METTL15: variants seen among roughly 807,000 people sequenced by gnomAD.
The protein encoded by METTL15 is 12S rRNA N(4)-cytidine methyltransferase METTL15.
A neutral mutation model predicts 38.3 loss-of-function variants in METTL15; 34 were observed. The observed-to-expected ratio is 0.89, with a 90% CI of 0.68 to 1.18. The LOEUF (loss-of-function observed/expected upper bound fraction) is 1.18, where lower values mean the gene tolerates loss of function less well. Among genes scored for constraint, METTL15 ranks in the 50% most tolerant of loss-of-function variants. The probability of loss-of-function intolerance (pLI) is 0.00; values close to 1 mark genes in which losing one functional copy is unlikely to be tolerated. For synonymous variants in METTL15, 162 were observed against 170.9 expected (o/e 0.95, Z 0.41); for missense variants, 438 against 498.4 (o/e 0.88, Z 1.15).
chr11:28,304,641 G>A (rs1029310769), intron 6 of METTL15, among the ~76,000 whole-genome samples: 11 of 152,012 alleles, frequency 7.2e-5, no homozygotes, highest in African/African-American at 2.4e-4. Context: ...ACTTGAACCC[G>A]GGAGCTGGAG....
chr11:28,345,693 T>A (rs2133357523), intron 3 of METTL15, among the ~76,000 whole-genome samples: 1 of 152,286 alleles, frequency 6.6e-6, no homozygotes, highest in East Asian at 1.9e-4. Flanking sequence ...CCAGTGGATT[T>A]GGTGCGCCAA....
intron 4 of METTL15, among the ~76,000 whole-genome samples, chr11:28,259,428 G>A (rs569240407): frequency 6.6e-6 from 1 of 152,240 alleles, no homozygotes; most frequent in South Asian, 2.1e-4. Flanking sequence ...GTGATTCTGG[G>A]CCCAGTTCAA....
intron 4 of METTL15, among the ~76,000 whole-genome samples, chr11:28,226,543 T>G (rs1853485338): frequency 6.6e-6 from 1 of 151,970 alleles, no homozygotes; most frequent in Non-Finnish European, 1.5e-5. Context: ...GTTTATCATT[T>G]TCCTTCTCTT....
At chr11:28,238,341 C>A (rs922021037) in intron 4 of METTL15, among the ~76,000 whole-genome samples, 4 of 152,196 alleles carry the variant, frequency 2.6e-5, no homozygotes, top group Non-Finnish European at 5.9e-5. Context: ...TGGCTGCCGC[C>A]TTGCAGTTTG....
At chr11:28,374,931 T>G in intron 5 of METTL15, among the ~76,000 whole-genome samples, 1 of 151,972 alleles carries the variant, frequency 6.6e-6, no homozygotes, top group East Asian at 1.9e-4. Flanking sequence ...AATCATGTGG[T>G]TTTTGTCATT....
intron 5 of METTL15, among the ~76,000 whole-genome samples, chr11:28,405,006 A>G (rs576274909): frequency 4.6e-5 from 7 of 152,286 alleles, no homozygotes; most frequent in Admixed American, 3.9e-4. Context: ...AATGATACCA[A>G]ATAAGAATGA....
At chr11:28,367,513 C>T (rs186870272) in intron 5 of METTL15, among the ~76,000 whole-genome samples, 16 of 151,974 alleles carry the variant, frequency 1.1e-4, no homozygotes, top group African/African-American at 3.9e-4. Flanking sequence ...GAAAAACATT[C>T]CATGCTCATG....
At chr11:28,355,388 T>C (rs1031462139) in intron 4 of METTL15, among the ~76,000 whole-genome samples, 2 of 152,234 alleles carry the variant, frequency 1.3e-5, no homozygotes, top group African/African-American at 4.8e-5. Context: ...TGTAGGTTAA[T>C]AGTAGTTCTG....
chr11:28,358,955 A>G (rs1475638932), intron 4 of METTL15, among the ~76,000 whole-genome samples: 1 of 152,206 alleles, frequency 6.6e-6, no homozygotes, highest in Non-Finnish European at 1.5e-5. Flanking sequence ...TTTTAGATTC[A>G]GAGGGTACAT....
At chr11:28,226,653 C>T (rs937379373) in intron 4 of METTL15, among the ~76,000 whole-genome samples, 1 of 151,816 alleles carries the variant, frequency 6.6e-6, no homozygotes, top group Non-Finnish European at 1.5e-5. Context: ...TGCTTGTATT[C>T]CTTCTACACC....
intron 6 of METTL15, among the ~76,000 whole-genome samples, chr11:28,315,513 A>G (rs1179214075): frequency 6.6e-6 from 1 of 152,222 alleles, no homozygotes; most frequent in Non-Finnish European, 1.5e-5. Context: ...AGTTTGGATA[A>G]TTTGCAGCCT....
At chr11:28,231,266 T>C (rs1420208898) in intron 4 of METTL15, among the ~76,000 whole-genome samples, 1 of 151,872 alleles carries the variant, frequency 6.6e-6, no homozygotes, top group Non-Finnish European at 1.5e-5. Context: ...CAAGGCAGTA[T>C]GCTTTAAATA....
chr11:28,132,432 C>A (rs1312543007), intron 3 of METTL15, among the ~76,000 whole-genome samples: 1 of 151,920 alleles, frequency 6.6e-6, no homozygotes, highest in African/African-American at 2.4e-5. Context: ...CCAATTTGTT[C>A]TTGTCCCTTA....
intron 4 of METTL15, among the ~76,000 whole-genome samples, chr11:28,227,822 A>G (rs994496312): frequency 2.0e-5 from 3 of 151,978 alleles, no homozygotes; most frequent in African/African-American, 7.2e-5. Flanking sequence ...TTAGAAGGCT[A>G]GGAATTGCTG....
intron 3 of METTL15, among the ~76,000 whole-genome samples, chr11:28,137,137 A>G (rs1365478597): frequency 2.0e-5 from 3 of 152,358 alleles, no homozygotes; most frequent in Admixed American, 6.5e-5. Context: ...TAAGTAGCAG[A>G]TCAGTGTGTT....
intron 3 of METTL15, among the ~76,000 whole-genome samples, chr11:28,199,811 C>G (rs992663764): frequency 6.6e-6 from 1 of 151,046 alleles, no homozygotes; most frequent in African/African-American, 2.4e-5. Flanking sequence ...GGCATGATCT[C>G]GGCTCACTGC....
At chr11:28,183,672 G>T (rs1467789359) in intron 3 of METTL15, among the ~76,000 whole-genome samples, 1 of 151,966 alleles carries the variant, frequency 6.6e-6, no homozygotes, top group Non-Finnish European at 1.5e-5. Context: ...TTTTTTTATT[G>T]AGGATTTTCG....
intron 3 of METTL15, among the ~76,000 whole-genome samples, chr11:28,350,722 A>G (rs1008826151): frequency 7.9e-5 from 12 of 152,220 alleles, no homozygotes; most frequent in Non-Finnish European, 1.5e-4. Flanking sequence ...TAATTCAAAA[A>G]TTGATGCTAT....
chr11:28,348,795 T>C (rs1266883268), intron 3 of METTL15, among the ~76,000 whole-genome samples: 2 of 152,168 alleles, frequency 1.3e-5, no homozygotes, highest in Non-Finnish European at 2.9e-5. Context: ...TAGCATTATT[T>C]AATGTTTCAA....
Sources: allele counts gnomAD v4.1 joint callset (sites outside exome capture counted in the v4.1 genomes callset), GRCh38; gene constraint gnomAD v4.1.1; transcripts MANE v1.5; gene names NCBI Gene and HGNC (gene_info 2026-07-23, HGNC 2026-07-21).